DNMBP: variants seen among roughly 807,000 people sequenced by gnomAD.
The protein encoded by DNMBP is dynamin-binding protein.
In DNMBP, 87 loss-of-function variants were observed where a neutral mutation model predicts 150.0. The observed-to-expected ratio is 0.58, with a 90% confidence interval of 0.49 to 0.69. DNMBP has a LOEUF of 0.69. Among genes scored for constraint, DNMBP ranks in the 30% least tolerant of loss-of-function variants. The pLI is 0.00. For missense variants in DNMBP, 1,774 were observed against 1,949.0 expected (o/e 0.91, Z 1.69); for synonymous variants, 711 against 750.4 (o/e 0.95, Z 0.86).
rs765407190 is a variant in DNMBP at position 99,896,369 on chromosome 10, A to G, written c.2949T>C (p.Asp983=). The G allele has an allele frequency of 2.8e-5, 45 of 1,614,170 alleles. No individual in the cohort carries two copies. The highest frequency in any genetic ancestry group is 4.5e-5 in the East Asian group (2 of 44,886). The change falls in exon 10 of 17, where the codon GAT becomes GAC. Residue 983 remains aspartate, a synonymous_variant. Coordinates refer to ENST00000324109, the MANE Select transcript of DNMBP (RefSeq NM_015221.4). ...GTTTGGAAATTTTCTCCATAAGGCT[A>G]TCTTCATCACCCTTACGGTACTTGA... ...LVLKYRKGDE[D]SLMEKISKLN...
At chr10:99,998,845 G>A (rs1384728693) in intron 1 of DNMBP, among the ~76,000 whole-genome samples, 1 of 152,150 alleles carries the variant, frequency 6.6e-6, no homozygotes, top group Non-Finnish European at 1.5e-5. Flanking sequence ...AAAGGGAGGT[G>A]AAATACAGAA....
intron 16 of DNMBP, among the ~76,000 whole-genome samples, chr10:99,879,437 A>G (rs2039329147): frequency 2.0e-5 from 3 of 152,174 alleles, no homozygotes; most frequent in African/African-American, 4.8e-5. Flanking sequence ...TGCATTCCCC[A>G]TCCTGGGTGA....
intron 1 of DNMBP, among the ~76,000 whole-genome samples, chr10:99,994,817 CT>C (rs2040934006): frequency 2.0e-5 from 3 of 152,176 alleles, no homozygotes; most frequent in Non-Finnish European, 4.4e-5. Context: ...TTCTCATCAT[CT>C]TTTCTTTGGG....
chr10:99,992,728 G>A (rs905331192), intron 1 of DNMBP, among the ~76,000 whole-genome samples: 7 of 151,998 alleles, frequency 4.6e-5, no homozygotes, highest in Admixed American at 2.0e-4. Flanking sequence ...GGGTTTCACC[G>A]TGTTAGCCAG....
Position 99,909,121 on chromosome 10 carries a change from A to G in DNMBP, c.2286T>C (p.Ser762=), listed in dbSNP as rs1266546404. The G allele has an allele frequency of 3.7e-6, 6 of 1,614,028 alleles. No homozygotes were observed. The Admixed American group carries it at 1.0e-4, about 27-fold the overall frequency. ...LREMTLLSSQ[S]SSLVAPSGSV... Reference sequence around the variant, plus strand: ...ACCCAGAAGGGGCCACCAGTGATGAAGACTGGGAGGAGAGGAGCGTCATTT... The same window carrying G: ...ACCCAGAAGGGGCCACCAGTGATGAGGACTGGGAGGAGAGGAGCGTCATTT... The change falls in exon 5 of 17, where the codon TCT becomes TCC. Residue 762 remains serine (S), a synonymous_variant. Transcript: ENST00000324109.
intron 3 of DNMBP, among the ~76,000 whole-genome samples, chr10:99,961,088 C>CA (rs1181969491): frequency 1.3e-5 from 2 of 151,506 alleles, no homozygotes; most frequent in African/African-American, 2.4e-5. Flanking sequence ...TTTGGTATCT[C>CA]AAGAGTCTGG....
chr10:99,969,344 G>A, intron 2 of DNMBP, 107 bp from the exon 3 acceptor site: 1 of 1,127,976 alleles, frequency 8.9e-7, no homozygotes, highest in Non-Finnish European at 1.3e-6. Context: ...ACCGTAACTT[G>A]AAAACTCAGG....
chr10:99,912,470 C>T (rs887483267), intron 4 of DNMBP, among the ~76,000 whole-genome samples: 26 of 152,246 alleles, frequency 1.7e-4, no homozygotes, highest in South Asian at 1.5e-3. Context: ...AAACTACCAG[C>T]GTGCCTTCCC....
At chr10:99,998,018 A>G (rs1172526165) in intron 1 of DNMBP, among the ~76,000 whole-genome samples, 14 of 150,290 alleles carry the variant, frequency 9.3e-5, no homozygotes, top group South Asian at 2.1e-4. Context: ...GGCAGATCAC[A>G]AGGTCAGGAG....
Position 99,884,170 on chromosome 10 carries a change from G to A in DNMBP, c.3838C>T (p.Leu1280Phe). Residue 1280 changes from leucine to phenylalanine, a missense_variant, in exon 15 of 17, where the codon CTC (leucine) becomes TTC (phenylalanine). Physicochemically the swap from Leu to Phe is conservative, Grantham distance 22. Coordinates refer to ENST00000324109, the MANE Select transcript of DNMBP (RefSeq NM_015221.4). ...MLQSEELRASLLARYPPEKLF... is the reference protein window; with the variant it reads ...MLQSEELRASFLARYPPEKLF... ...TTTTCAGGGGGATACCTGGCCAGGAGGGAGGCCCGGAGTTCTTCTGACTGT... is the reference window on the plus strand; with the variant it reads ...TTTTCAGGGGGATACCTGGCCAGGAAGGAGGCCCGGAGTTCTTCTGACTGT... 6.2e-7 allele frequency: 1 copy of A among 1,613,924 alleles called. No homozygotes were observed. The highest frequency in any genetic ancestry group is 8.5e-7 in the Non-Finnish European group (1 of 1,180,030).
intron 1 of DNMBP, among the ~76,000 whole-genome samples, chr10:100,005,735 CAG>C (rs988951641): frequency 3.3e-5 from 4 of 121,046 alleles, no homozygotes; most frequent in African/African-American, 1.3e-4. Context: ...GCCTGGGCAA[CAG>C]AGTGAGACTC....
At chr10:99,951,810 G>A (rs563863901) in intron 4 of DNMBP, among the ~76,000 whole-genome samples, 4 of 152,306 alleles carry the variant, frequency 2.6e-5, no homozygotes, top group South Asian at 2.1e-4. Flanking sequence ...CAGATGAGAC[G>A]TCGAACTGTG....
intron 1 of DNMBP, among the ~76,000 whole-genome samples, chr10:100,004,656 A>ATGAC (rs1204359980): frequency 6.6e-6 from 1 of 152,212 alleles, no homozygotes; most frequent in African/African-American, 2.4e-5. Flanking sequence ...CCCTAGAGAG[A>ATGAC]TGAAAGTCAC....
chr10:99,895,213 G>A (rs963627806), intron 10 of DNMBP, among the ~76,000 whole-genome samples, 163 bp from the exon 11 acceptor site: 3 of 145,046 alleles, frequency 2.1e-5, no homozygotes, highest in East Asian at 2.1e-4. Flanking sequence ...TGCAACCTCC[G>A]CCTCCTGGAT....
chr10:99,922,083 C>A (rs1163434464), intron 4 of DNMBP, among the ~76,000 whole-genome samples: 1 of 152,068 alleles, frequency 6.6e-6, no homozygotes, highest in Admixed American at 6.6e-5. Context: ...ATCTTCCTCC[C>A]AAATATGACT....
intron 7 of DNMBP, among the ~76,000 whole-genome samples, chr10:99,899,676 T>C: frequency 8.8e-6 from 1 of 113,340 alleles, no homozygotes; most frequent in East Asian, 2.2e-4. Context: ...TCACCTATGC[T>C]CTTATTTGGA....
intron 3 of DNMBP, 191 bp from the exon 4 acceptor site, chr10:99,957,396 G>A (rs2040512744): frequency 3.2e-6 from 2 of 619,366 alleles, no homozygotes; most frequent in South Asian, 2.0e-5. Context: ...TTTTCAGAGT[G>A]TTCCATGGAA....
chr10:99,978,348 T>C (rs1344143368), intron 1 of DNMBP, among the ~76,000 whole-genome samples: 1 of 152,172 alleles, frequency 6.6e-6, no homozygotes, highest in African/African-American at 2.4e-5. Context: ...AACAGTGAGG[T>C]TGAAAGAATT....
chr10:99,950,147 G>T (rs1258603830), intron 4 of DNMBP, among the ~76,000 whole-genome samples: 1 of 152,164 alleles, frequency 6.6e-6, no homozygotes, highest in African/African-American at 2.4e-5. Flanking sequence ...TCTCACAAAA[G>T]ATGGTGTTTT....
Sources: allele counts gnomAD v4.1 joint callset (sites outside exome capture counted in the v4.1 genomes callset), GRCh38; gene constraint gnomAD v4.1.1; transcripts MANE v1.5; gene names NCBI Gene and HGNC (gene_info 2026-07-23, HGNC 2026-07-21).